The following KMT2C variants were observed in gnomAD, a reference collection of about 807,000 sequenced individuals.
KMT2C encodes lysine methyltransferase 2C.
A neutral mutation model predicts 507.9 loss-of-function variants in KMT2C; 88 were observed. The ratio of observed to expected loss-of-function variants is 0.17; its 90% CI spans 0.15 to 0.21. KMT2C has a LOEUF of 0.21. KMT2C is among the 10% of genes least tolerant of loss of function. KMT2C has a pLI of 1.00. For missense variants in KMT2C, 4,954 were observed against 5,957.8 expected, an observed-to-expected ratio of 0.83 and a Z score of 5.55; for synonymous variants, 2,049 against 2,080.8, an observed-to-expected ratio of 0.98 and a Z score of 0.42.
intron 34 of KMT2C, among the ~76,000 whole-genome samples, chr7:152,183,497 C>G (rs1300237532): frequency 6.6e-6 from 1 of 152,218 alleles, no homozygotes; most frequent in African/African-American, 2.4e-5. Context: ...CATGGTGGCT[C>G]ATGCTCGTAA....
chr7:152,218,152 G>T (rs1221185453), intron 23 of KMT2C, among the ~76,000 whole-genome samples: 1 of 152,046 alleles, frequency 6.6e-6, no homozygotes, highest in African/African-American at 2.4e-5. Flanking sequence ...ACATACAAAA[G>T]ACATATCTTT....
At chr7:152,342,755 A>G (rs1341678802) in intron 2 of KMT2C, among the ~76,000 whole-genome samples, 2 of 152,218 alleles carry the variant, frequency 1.3e-5, no homozygotes, top group East Asian at 3.8e-4. Context: ...AGTTTCTCAC[A>G]GTGAACTTCA....
intron 38 of KMT2C, 100 bp from the exon 39 acceptor site, chr7:152,174,342 T>G: frequency 1.6e-6 from 1 of 623,926 alleles, no homozygotes; most frequent in African/African-American, 1.9e-5. Flanking sequence ...TATTATTTAA[T>G]AATCATTACA....
chr7:152,345,930 A>C (rs767826399), intron 2 of KMT2C, among the ~76,000 whole-genome samples: 8 of 152,246 alleles, frequency 5.3e-5, no homozygotes, highest in Non-Finnish European at 1.0e-4. Flanking sequence ...GGATGGAGAA[A>C]GATATTCCAG....
intron 15 of KMT2C, among the ~76,000 whole-genome samples, 172 bp downstream of exon 15, chr7:152,238,535 T>G (rs1225462756): frequency 1.3e-5 from 2 of 152,298 alleles, no homozygotes; most frequent in Non-Finnish European, 2.9e-5. Flanking sequence ...ATTAAAAATG[T>G]ATACTTGATT....
At chr7:152,420,762 G>A (rs978763196) in intron 1 of KMT2C, among the ~76,000 whole-genome samples, 1 of 151,896 alleles carries the variant, frequency 6.6e-6, no homozygotes, top group Non-Finnish European at 1.5e-5. Flanking sequence ...TTGAACCCGG[G>A]AGGCACAGGT....
rs768359733 is a variant in KMT2C at position 152,177,306 on chromosome 7, T to G, written c.8147A>C (p.Asp2716Ala). Residue 2716 changes from aspartate (D) to alanine (A), a missense_variant, in exon 38 of 59, where the codon GAT becomes GCT. Around this residue, in one of 29 missense-constraint regions of KMT2C, gnomAD observed 1,689 missense variants for 1,654.3 expected, o/e 1.02. Transcript: ENST00000262189. The stretch of plus-strand genomic sequence containing the variant: ...TGTATCTAAATTTAAGTTTTCAAGA[T>G]CTTCATCATCTAAGTCTTTGACTTC... ...GVEVKDLDDE[D>A]LENLNLDTED... The G allele has an allele frequency of 3.7e-6, 6 of 1,614,094 alleles. No individual in the cohort carries two copies. The highest frequency in any genetic ancestry group is 5.1e-6 in the Non-Finnish European group (6 of 1,180,032).
At chr7:152,387,723 G>C (rs1422709618) in intron 1 of KMT2C, among the ~76,000 whole-genome samples, 2 of 152,060 alleles carry the variant, frequency 1.3e-5, no homozygotes, top group East Asian at 3.9e-4. Flanking sequence ...CGCCCGCCTC[G>C]GCCTCCCAAA....
chr7:152,172,396 T>C, intron 39 of KMT2C, among the ~76,000 whole-genome samples: 1 of 152,186 alleles, frequency 6.6e-6, no homozygotes, highest in East Asian at 1.9e-4. Context: ...CTGAGGTCCA[T>C]ATTTAAAACT....
At chr7:152,375,630 C>A (rs2097323581) in intron 1 of KMT2C, among the ~76,000 whole-genome samples, 1 of 152,134 alleles carries the variant, frequency 6.6e-6, no homozygotes, top group Non-Finnish European at 1.5e-5. Context: ...AGGTGATCCA[C>A]CCGCCTCAGC....
At position 152,252,589 on chromosome 7, in the gene KMT2C, G is replaced by T. The variant is rs1400541227; in HGVS notation, c.1426C>A (p.Pro476Thr). Residue 476 changes from proline (P) to threonine (T), a missense_variant, in exon 10 of 59, where the codon CCA (proline) becomes ACA (threonine). Physicochemically the swap from Pro to Thr is conservative, Grantham distance 38 (BLOSUM62 -1). Around this residue, in one of 29 missense-constraint regions of KMT2C, gnomAD observed 376 missense variants for 352.4 expected, o/e 1.07. Coordinates refer to ENST00000262189, the MANE Select transcript of KMT2C (RefSeq NM_170606.3). ...TGAAGCATGTCTTTCTGCAATTCTGGATGATAACACTTCCCACAGAAGGGA... is the reference window on the plus strand; with the variant it reads ...TGAAGCATGTCTTTCTGCAATTCTGTATGATAACACTTCCCACAGAAGGGA... Reference protein sequence around the residue: ...LCPFCGKCYHPELQKDMLHCN... With the variant: ...LCPFCGKCYHTELQKDMLHCN... 4.3e-6 allele frequency: 7 copies of T among 1,613,046 alleles called. No homozygotes were observed. Among genetic ancestry groups the T allele is most frequent in the Non-Finnish European group, 4.2e-6 (5 of 1,179,588 alleles).
chr7:152,405,453 C>T (rs1422770887), intron 1 of KMT2C, among the ~76,000 whole-genome samples: 5 of 151,550 alleles, frequency 3.3e-5, no homozygotes, highest in African/African-American at 1.2e-4. Context: ...CCATGTTAGC[C>T]AGACTGGTCT....
At chr7:152,240,415 C>T (rs1214461137) in intron 14 of KMT2C, among the ~76,000 whole-genome samples, 1 of 152,270 alleles carries the variant, frequency 6.6e-6, no homozygotes, top group Non-Finnish European at 1.5e-5. Flanking sequence ...CGTGTTCTTC[C>T]TCTATTTGAC....
chr7:152,273,980 A>C, intron 6 of KMT2C, 113 bp from the exon 7 acceptor site: 1 of 980,660 alleles, frequency 1.0e-6, no homozygotes, highest in Non-Finnish European at 1.4e-6. Context: ...AACAAATTGA[A>C]CCTGCAAAAT....
At chr7:152,224,358 C>T (rs2094866375) in intron 19 of KMT2C, 77 bp downstream of exon 19, 3 of 1,456,064 alleles carry the variant, frequency 2.1e-6, no homozygotes, top group East Asian at 2.3e-5. Flanking sequence ...ATAGGTGTGG[C>T]TAATTTTTAA....
chr7:152,424,074 G>C (rs941245519), intron 1 of KMT2C, among the ~76,000 whole-genome samples: 1 of 152,112 alleles, frequency 6.6e-6, no homozygotes, highest in Admixed American at 6.6e-5. Flanking sequence ...CAGTAAAAGA[G>C]GATGGAAAAT....
intron 1 of KMT2C, among the ~76,000 whole-genome samples, chr7:152,403,709 G>GACAC (rs2097585821): frequency 6.6e-6 from 1 of 151,164 alleles, no homozygotes; most frequent in African/African-American, 2.4e-5. Context: ...GAAAAACTGG[G>GACAC]ACACATACAC....
At position 152,177,092 on chromosome 7, in the gene KMT2C, A is replaced by G. The variant is rs2093242513; in HGVS notation, c.8361T>C (p.Asn2787=). The G allele has an allele frequency of 6.2e-7, 1 of 1,612,786 alleles. No individual in the cohort carries two copies. The change falls in exon 38 of 59, where the codon AAT becomes AAC. Residue 2787 remains asparagine (N), a synonymous_variant. Transcript: ENST00000262189. ...LDLPIDDKLD[N]QCVSVEPKKK... ...TTTTTGGTTCAACAGATACACACTG[A>G]TTATCTAACTTATCATCAATTGGAA...
chr7:152,201,195 G>A (rs2094125600), intron 26 of KMT2C, among the ~76,000 whole-genome samples: 1 of 151,728 alleles, frequency 6.6e-6, no homozygotes, highest in South Asian at 2.1e-4. Flanking sequence ...TACATTCCCT[G>A]TAGATAACAT....
Sources: allele counts gnomAD v4.1 joint callset (sites outside exome capture counted in the v4.1 genomes callset), GRCh38; gene constraint gnomAD v4.1.1; regional missense constraint gnomAD v4.1.1; transcripts MANE v1.5; gene names NCBI Gene and HGNC (gene_info 2026-07-23, HGNC 2026-07-21).